Variants in CEP68 observed in about 807,000 individuals in gnomAD.
The protein encoded by CEP68 is centrosomal protein 68.
In CEP68, 26 loss-of-function variants were observed where a neutral mutation model predicts 55.3. The ratio of observed to expected loss-of-function variants is 0.47; its 90% CI spans 0.34 to 0.65. The LOEUF is 0.65. Ranked by LOEUF, CEP68 falls within the 30% of genes least tolerant of loss-of-function variation. The pLI, the probability that CEP68 is intolerant of heterozygous loss-of-function variation, is 0.01. For synonymous variants in CEP68, 402 were observed against 383.2 expected (o/e 1.05, Z -0.57); for missense variants, 957 against 946.7 (o/e 1.01, Z -0.14).
chr2:65,078,938 TAC>T (rs1676887832), intron 5 of CEP68, among the ~76,000 whole-genome samples: 1 of 152,284 alleles, frequency 6.6e-6, no homozygotes, highest in East Asian at 1.9e-4. Context: ...GCCAAGGATT[TAC>T]AGTTTTCATT....
rs1224064647 is a variant in CEP68, at chr2:65,082,716, G to C, written c.*4+7G>C. 1.3e-6 allele frequency: 2 copies of C among 1,535,772 alleles called. No homozygotes were observed. Among genetic ancestry groups the C allele is most frequent in the Non-Finnish European group, 1.7e-6 (2 of 1,147,584 alleles). On this transcript the variant is annotated splice_region_variant and intron_variant, in intron 6 of 6. Transcript: ENST00000377990. ...TGTGAAGGGGTTTAACCTGGTAAGT[G>C]GAGGAACTCAAAAAGAAAATTTGCC...
At chr2:65,076,293 G>A (rs1676753373) in intron 4 of CEP68, among the ~76,000 whole-genome samples, 1 of 152,190 alleles carries the variant, frequency 6.6e-6, no homozygotes, top group Non-Finnish European at 1.5e-5. Context: ...CAGAGCAGGT[G>A]CAAACAGAAT....
intron 1 of CEP68, among the ~76,000 whole-genome samples, 185 bp downstream of exon 1, chr2:65,056,713 G>T (rs904862465): frequency 6.6e-6 from 1 of 152,064 alleles, no homozygotes; most frequent in African/African-American, 2.4e-5. Flanking sequence ...AGGCTCCCTG[G>T]GGGGCGGGGG....
intron 1 of CEP68, among the ~76,000 whole-genome samples, chr2:65,066,745 A>AATATAT (rs1553384179): frequency 2.2e-3 from 130 of 58,400 alleles, no homozygotes; most frequent in African/African-American, 5.7e-3. Context: ...AAAAAAAAAA[A>AATATAT]ATATATATAT....
chr2:65,072,343 C>G lies in CEP68; in HGVS notation c.1247C>G (p.Pro416Arg). 1 of 1,613,960 alleles carries G rather than the reference C, an allele frequency of 6.2e-7. No homozygotes were observed. Among genetic ancestry groups the G allele is most frequent in the Non-Finnish European group, 8.5e-7 (1 of 1,180,042 alleles). ...SRDARWERREPALRGAKDRLT... is the reference protein window; with the variant it reads ...SRDARWERRERALRGAKDRLT... ...GATGCTCGTTGGGAGCGCAGAGAGC[C>G]AGCCCTGAGGGGTGCGAAGGACCGG... The change falls in exon 3 of 7, where the codon CCA becomes CGA. Residue 416 changes from proline to arginine, a missense_variant. Transcript: ENST00000377990.
chr2:65,077,691 A>C (rs1284424022), intron 4 of CEP68, among the ~76,000 whole-genome samples, 177 bp from the exon 5 acceptor site: 2 of 152,230 alleles, frequency 1.3e-5, no homozygotes. Context: ...CCTTGGGTTC[A>C]AAGAAGCTGA....
At chr2:65,062,239 C>CTTA (rs1220475396) in intron 1 of CEP68, among the ~76,000 whole-genome samples, 1 of 152,228 alleles carries the variant, frequency 6.6e-6, no homozygotes, top group Non-Finnish European at 1.5e-5. Flanking sequence ...GAGCTCACGA[C>CTTA]TTAAAGAGTC....
At chr2:65,077,835 C>T in intron 4 of CEP68, 33 bp from the exon 5 acceptor site, 1 of 1,518,738 alleles carries the variant, frequency 6.6e-7, no homozygotes, top group South Asian at 1.1e-5. Context: ...AGTAACGAAG[C>T]TTCTGCCTTT....
intron 1 of CEP68, among the ~76,000 whole-genome samples, chr2:65,058,986 G>C (rs1444871482): frequency 6.6e-6 from 1 of 152,156 alleles, no homozygotes; most frequent in African/African-American, 2.4e-5. Flanking sequence ...TCTTAACGGG[G>C]TCTGTTATCT....
chr2:65,069,609 A>T lies in CEP68; in HGVS notation c.165A>T (p.Val55=), dbSNP rs536770019. The T allele has an allele frequency of 6.2e-7, 1 of 1,614,054 alleles. No individual in the cohort carries two copies. Among genetic ancestry groups the T allele is most frequent in the African/African-American group, 1.3e-5 (1 of 75,042 alleles). The change falls in exon 2 of 7, where the codon GTA becomes GTT. Residue 55 remains valine, a synonymous_variant. Transcript: ENST00000377990. The part of the protein sequence containing the change: ...LEAEGGLISP[V]WGAEGIPAPT... ...CTGAGGGAGGGCTCATCTCCCCTGT[A>T]TGGGGGGCAGAAGGGATACCTGCCC...
chr2:65,071,900 C>G lies in CEP68; in HGVS notation c.804C>G (p.Ser268=). ...DASGLGRRRL[S]FQAEYWACVL... Reference sequence around the variant, plus strand: ...CTGGGCTAGGCAGGAGACGCCTCTCCTTCCAGGCTGAGTACTGGGCCTGTG... The same window carrying G: ...CTGGGCTAGGCAGGAGACGCCTCTCGTTCCAGGCTGAGTACTGGGCCTGTG... Residue 268 remains serine, a synonymous_variant, in exon 3 of 7, where the codon TCC becomes TCG. Transcript: ENST00000377990. The G allele has an allele frequency of 6.2e-7, 1 of 1,612,930 alleles. No individual in the cohort carries two copies. Among genetic ancestry groups the G allele is most frequent in the Non-Finnish European group, 8.5e-7 (1 of 1,179,672 alleles).
At chr2:65,074,201 C>T (rs1206780527) in intron 3 of CEP68, 81 bp from the exon 4 acceptor site, 2 of 1,543,794 alleles carry the variant, frequency 1.3e-6, no homozygotes, top group Admixed American at 3.5e-5. Flanking sequence ...TCTCCAAGTC[C>T]TCCTGATATT....
In CEP68 at chr2:65,072,845, C is replaced by T; in HGVS notation, c.1749C>T (p.Ser583=). Residue 583 remains serine, a synonymous_variant, in exon 3 of 7, where the codon TCC becomes TCT. Transcript: ENST00000377990. ...SLGSSQALGV[S]SGLLKTRPSL... The stretch of plus-strand genomic sequence containing the variant: ...GGAGCAGCCAGGCCCTCGGGGTCTC[C>T]TCTGGACTGCTGAAAACACGCCCCT... The T allele has an allele frequency of 1.2e-6, 2 of 1,614,192 alleles. No homozygotes were observed. The highest frequency in any genetic ancestry group is 2.2e-5 in the South Asian group (2 of 91,080).
Position 65,069,405 on chromosome 2 carries a change from G to T in CEP68, c.-40G>T. On this transcript the variant is annotated 5_prime_UTR_variant, in exon 2 of 7. Coordinates refer to ENST00000377990, the MANE Select transcript of CEP68 (RefSeq NM_015147.3). ...CCCTTCCCCTGTTTTGTAGGAAGCT[G>T]AAGTCTTCAGCAGAACCCTGACCTA... is the stretch of plus-strand genomic sequence containing the variant. 1 of 1,433,464 alleles carries T rather than the reference G, an allele frequency of 7.0e-7. No homozygotes were observed. Among genetic ancestry groups the T allele is most frequent in the Non-Finnish European group, 9.3e-7 (1 of 1,071,428 alleles). 88.8% of individuals were successfully genotyped at this position (1,433,464 alleles called of 1,614,324 possible).
chr2:65,071,459 G>A lies in CEP68; in HGVS notation c.363G>A (p.Glu121=), dbSNP rs924516492. Reference sequence around the variant, plus strand: ...TGTCCCTTTGATCATTGCAGGTGGAGAAGACCAAGCTTTCTTCCTCCGAGG... The same window carrying A: ...TGTCCCTTTGATCATTGCAGGTGGAAAAGACCAAGCTTTCTTCCTCCGAGG... The part of the protein sequence containing the change: ...DLLLSGESQV[E]KTKLSSSEEF... Residue 121 remains glutamate (E), a synonymous_variant, in exon 3 of 7, where the codon GAG becomes GAA. Transcript: ENST00000377990. The A allele has an allele frequency of 6.2e-7, 1 of 1,612,724 alleles. No homozygotes were observed. The highest frequency in any genetic ancestry group is 1.7e-5 in the Admixed American group (1 of 59,976).
In CEP68 at chr2:65,071,232, G is replaced by A. The variant is rs1676444249; in HGVS notation, c.358-222G>A. On this transcript the variant is annotated intron_variant, in intron 2 of 6. Transcript: ENST00000377990. The stretch of plus-strand genomic sequence containing the variant: ...GTGGAGGAAGGAAGAACCTTGGAGA[G>A]GACTGGAGATGGGAGTCATCTTGCT... 1.2e-5 allele frequency: 7 copies of A among 575,254 alleles called. No homozygotes were observed. In the East Asian group the frequency reaches 2.0e-4, roughly 17 times the overall value. 35.6% of individuals were successfully genotyped at this position (575,254 alleles called of 1,614,324 possible). A position where few individuals can be genotyped will look rare whatever the true frequency, so the allele number is the denominator to read the frequency against.
At chr2:65,081,459 TCTA>T (rs1383612081) in intron 5 of CEP68, among the ~76,000 whole-genome samples, 8 of 152,064 alleles carry the variant, frequency 5.3e-5, no homozygotes, top group African/African-American at 1.9e-4. Context: ...TTTCCCTTCC[TCTA>T]CTGACAGATG....
chr2:65,070,051 T>C (rs1188127228), intron 2 of CEP68, among the ~76,000 whole-genome samples: 4 of 152,184 alleles, frequency 2.6e-5, no homozygotes, highest in Non-Finnish European at 5.9e-5. Flanking sequence ...CCAGGGATTA[T>C]AGGCCAAGAG....
Position 65,077,954 on chromosome 2 carries a change from G to T in CEP68, c.2094G>T (p.Glu698Asp). 6.2e-7 allele frequency: 1 copy of T among 1,613,146 alleles called. No homozygotes were observed. Among genetic ancestry groups the T allele is most frequent in the South Asian group, 1.1e-5 (1 of 91,028 alleles). ...AGATTCTTCTTCAGTGCCTGTTGGAGAACACCCCAGGTGAGATGCTTAAGG... is the reference window on the plus strand; with the variant it reads ...AGATTCTTCTTCAGTGCCTGTTGGATAACACCCCAGGTGAGATGCTTAAGG... ...KGEILLQCLL[E>D]NTPVLEDVLG... is the part of the protein sequence containing the mutation. The change falls in exon 5 of 7, where the codon GAG (glutamate) becomes GAT (aspartate). Residue 698 changes from glutamate (E) to aspartate (D), a missense_variant. Glu to Asp is a conservative substitution (Grantham distance 45). Coordinates refer to ENST00000377990, the MANE Select transcript of CEP68 (RefSeq NM_015147.3).
Sources: gnomAD v4.1 joint callset for allele counts (sites outside exome capture counted in the v4.1 genomes callset) on GRCh38, gnomAD v4.1.1 for gene constraint, MANE v1.5 for transcripts, NCBI Gene and HGNC (gene_info 2026-07-23, HGNC 2026-07-21) for gene names.